The following GPHN variants were observed in gnomAD, a reference collection of about 807,000 sequenced individuals.
The protein encoded by GPHN is gephyrin.
In GPHN, 17 loss-of-function variants were observed where a neutral mutation model predicts 95.5. That is an observed-to-expected ratio of 0.18 (90% confidence interval 0.12 to 0.27). The LOEUF is 0.27. GPHN is among the 10% of genes least tolerant of loss of function. The pLI is 1.00. For synonymous variants in GPHN, 320 were observed against 322.5 expected (o/e 0.99, Z 0.08); for missense variants, 660 against 978.1 (o/e 0.67, Z 4.34).
the GPHN span, among the ~76,000 whole-genome samples, chr14:67,731,022 T>C: frequency 6.6e-6 from 1 of 152,182 alleles, no homozygotes. Flanking sequence ...GATTGCATGC[T>C]AAAATGATTT....
At chr14:67,389,284 G>A in the GPHN span, among the ~76,000 whole-genome samples, 1 of 152,128 alleles carries the variant, frequency 6.6e-6, no homozygotes, top group East Asian at 1.9e-4. Flanking sequence ...AGAGAAGGAA[G>A]GGATCCGCCC....
the GPHN span, chr14:67,690,170 C>A: frequency 5.1e-6 from 8 of 1,569,794 alleles, no homozygotes; most frequent in Non-Finnish European, 6.1e-6. Flanking sequence ...TTACCTGCCT[C>A]TCTCTGACTC....
intron 6 of GPHN, among the ~76,000 whole-genome samples, chr14:66,920,764 A>G (rs1356893676): frequency 1.3e-5 from 2 of 151,578 alleles, no homozygotes; most frequent in Non-Finnish European, 2.9e-5. Context: ...ATAAATTCCC[A>G]TAAGTCCCCA....
chr14:67,313,646 G>C, the GPHN span, among the ~76,000 whole-genome samples: 1 of 152,014 alleles, frequency 6.6e-6, no homozygotes, highest in African/African-American at 2.4e-5. Flanking sequence ...TAGAGTAAAG[G>C]GATAATAATT....
At chr14:66,751,820 C>T (rs1318621957) in intron 2 of GPHN, among the ~76,000 whole-genome samples, 2 of 152,038 alleles carry the variant, frequency 1.3e-5, no homozygotes. Context: ...GTCAACCTGT[C>T]CTGTGAAGCT....
At chr14:66,681,000 A>G (rs1595522975) in intron 1 of GPHN, 107 bp from the exon 2 acceptor site, 3 of 283,280 alleles carry the variant, frequency 1.1e-5, no homozygotes, top group Non-Finnish European at 1.5e-5. Context: ...GGGAAAAATG[A>G]AAAAAAAAAA....
intron 9 of GPHN, among the ~76,000 whole-genome samples, chr14:66,981,056 A>G (rs2070634874): frequency 6.6e-6 from 1 of 152,216 alleles, no homozygotes; most frequent in Non-Finnish European, 1.5e-5. Context: ...TCTCAAAAGA[A>G]AAAGATTTCC....
At chr14:66,585,892 A>C (rs1437034488) in intron 1 of GPHN, among the ~76,000 whole-genome samples, 4 of 152,142 alleles carry the variant, frequency 2.6e-5, no homozygotes, top group African/African-American at 9.7e-5. Context: ...AGTTCTGTAG[A>C]TGTCTATTAG....
the GPHN span, chr14:67,692,422 C>T: frequency 6.2e-7 from 1 of 1,613,948 alleles, no homozygotes; most frequent in South Asian, 1.1e-5. Flanking sequence ...CATAGTCTCT[C>T]TAGTTCTACA....
chr14:67,193,954 C>CAAA, the GPHN span, among the ~76,000 whole-genome samples: 24 of 85,742 alleles, frequency 2.8e-4, no homozygotes, highest in African/African-American at 6.6e-4. Flanking sequence ...CAAAAAAAAA[C>CAAA]AAAAAAAAAA....
chr14:67,661,823 C>T, the GPHN span, among the ~76,000 whole-genome samples: 7 of 152,190 alleles, frequency 4.6e-5, no homozygotes, highest in South Asian at 2.1e-4. Flanking sequence ...CGTGAGCCAC[C>T]GCACTGACCA....
chr14:66,802,993 TCAGTGGACCCTGTTCAGCCCTA>T (rs2060415087), intron 3 of GPHN, among the ~76,000 whole-genome samples: 1 of 152,114 alleles, frequency 6.6e-6, no homozygotes, highest in African/African-American at 2.4e-5. Context: ...CAGTCCACTG[TCAGTGGACCCTGTTCAGCCCTA>T]GGACTCACCT....
At chr14:67,251,409 T>C in the GPHN span, among the ~76,000 whole-genome samples, 1 of 152,096 alleles carries the variant, frequency 6.6e-6, no homozygotes. Context: ...GGTGTGTGCC[T>C]GTGGTCCCAG....
chr14:67,192,922 GTATA>G, the GPHN span, among the ~76,000 whole-genome samples: 1 of 142,044 alleles, frequency 7.0e-6, no homozygotes, highest in African/African-American at 2.6e-5. Flanking sequence ...AGATATATAT[GTATA>G]TATAGATATC....
chr14:67,600,634 G>T, the GPHN span, among the ~76,000 whole-genome samples: 2 of 152,138 alleles, frequency 1.3e-5, no homozygotes, highest in African/African-American at 4.8e-5. Flanking sequence ...TTTTGAGACG[G>T]AATGGCGCGA....
chr14:66,726,572 T>C (rs941729356), intron 2 of GPHN, among the ~76,000 whole-genome samples: 4 of 152,206 alleles, frequency 2.6e-5, no homozygotes, highest in African/African-American at 7.2e-5. Flanking sequence ...AGAGTACTGA[T>C]TGATGATATG....
chr14:66,744,679 TAGGAA>T (rs2058071724), intron 2 of GPHN, among the ~76,000 whole-genome samples: 1 of 152,168 alleles, frequency 6.6e-6, no homozygotes, highest in African/African-American at 2.4e-5. Context: ...ACTGAAAGAT[TAGGAA>T]TTGTGGTTGA....
At chr14:66,510,748 A>G (rs939337607) in intron 1 of GPHN, among the ~76,000 whole-genome samples, 6 of 152,220 alleles carry the variant, frequency 3.9e-5, no homozygotes, top group African/African-American at 1.4e-4. Flanking sequence ...TATATAGTTG[A>G]TGATGAGGCT....
the GPHN span, among the ~76,000 whole-genome samples, chr14:67,229,162 T>C: frequency 6.6e-6 from 1 of 152,248 alleles, no homozygotes; most frequent in Non-Finnish European, 1.5e-5. Context: ...GTGGAGATGA[T>C]CTTTGAACCC....
Sources: gnomAD v4.1 joint callset for allele counts (sites outside exome capture counted in the v4.1 genomes callset) on GRCh38, gnomAD v4.1.1 for gene constraint, MANE v1.5 for transcripts, NCBI Gene and HGNC (gene_info 2026-07-23, HGNC 2026-07-21) for gene names.